Variants in SYNJ2 observed in about 807,000 individuals in gnomAD.
The protein encoded by SYNJ2 is synaptojanin 2, also known as polyphosphatidylinositol phosphatase SYNJ2.
SYNJ2 carries 116 observed loss-of-function variants against 141.3 expected under a neutral mutation model. That is an observed-to-expected ratio of 0.82 (90% CI 0.71 to 0.96). The LOEUF (loss-of-function observed/expected upper bound fraction) is 0.96, where lower values mean the gene tolerates loss of function less well. Among genes scored for constraint, SYNJ2 ranks in the 40% least tolerant of loss-of-function variants. The pLI, the probability that SYNJ2 is intolerant of heterozygous loss-of-function variation, is 0.00. For missense variants in SYNJ2, 1,873 were observed against 1,934.8 expected (o/e 0.97, Z 0.60); for synonymous variants, 745 against 777.7 (o/e 0.96, Z 0.70).
intron 3 of SYNJ2, 30 bp downstream of exon 3, chr6:158,029,056 G>A (rs1408715246): frequency 6.2e-6 from 10 of 1,609,014 alleles, no homozygotes; most frequent in Non-Finnish European, 8.5e-6. Context: ...GCAGAGGGTG[G>A]GCCCTGGGTC....
intron 1 of SYNJ2, among the ~76,000 whole-genome samples, chr6:158,007,934 T>C (rs1213257730): frequency 6.6e-6 from 1 of 151,942 alleles, no homozygotes; most frequent in African/African-American, 2.4e-5. Flanking sequence ...GACCACAGGC[T>C]CCCACCACCA....
chr6:158,001,148 A>G (rs1416656454), intron 1 of SYNJ2: 1 of 151,976 alleles, frequency 6.6e-6, no homozygotes, highest in Non-Finnish European at 1.5e-5. Flanking sequence ...CCTCCTCTGC[A>G]CCCTGCATGC....
intron 1 of SYNJ2, among the ~76,000 whole-genome samples, chr6:157,988,901 C>T (rs1442453654): frequency 5.9e-5 from 9 of 152,168 alleles, no homozygotes; most frequent in Non-Finnish European, 1.3e-4. Context: ...AGTGGGCAGG[C>T]TGGGTCCACC....
intron 4 of SYNJ2, among the ~76,000 whole-genome samples, chr6:158,034,409 A>T (rs944027486): frequency 6.6e-6 from 1 of 152,224 alleles, no homozygotes; most frequent in African/African-American, 2.4e-5. Flanking sequence ...TTACTGAGTG[A>T]AGGCGTGGCT....
At chr6:158,063,715 G>C in intron 8 of SYNJ2, 76 bp from the exon 9 acceptor site, 3 of 705,346 alleles carry the variant, frequency 4.3e-6, no homozygotes, top group African/African-American at 1.9e-5. Context: ...TCAAAAGTCA[G>C]ACATGGGCCT....
upstream of SYNJ2, among the ~76,000 whole-genome samples, chr6:157,981,734 G>C (rs1181319173): frequency 1.3e-5 from 2 of 151,796 alleles, no homozygotes; most frequent in Non-Finnish European, 2.9e-5. This position sits in a 1 kb window ranked among gnomAD's most constrained non-coding sequence, Gnocchi z 6.4. Context: ...GCTGGGGGGA[G>C]CGCGGGGCCG....
chr6:158,022,906 C>T (rs1488073689), intron 2 of SYNJ2, among the ~76,000 whole-genome samples: 6 of 152,130 alleles, frequency 3.9e-5, no homozygotes, highest in African/African-American at 1.2e-4. Flanking sequence ...CGGGAGTCAG[C>T]GACCCCCCAC....
rs1336123578 is a variant in SYNJ2, at chr6:158,092,468, C to T, written c.3566-458C>T. On this transcript the variant is annotated intron_variant, in intron 25 of 26. Coordinates refer to ENST00000355585, the MANE Select transcript of SYNJ2 (RefSeq NM_003898.4). Reference sequence around the variant, plus strand: ...CAAGTCTGGGCAACACAATGAGACCCTCTCTCTACAAAAATTTTAAAATTA... The same window carrying T: ...CAAGTCTGGGCAACACAATGAGACCTTCTCTCTACAAAAATTTTAAAATTA... Among the ~76,000 whole-genome samples the T allele has an allele frequency of 2.0e-5, 3 of 152,286 alleles. No homozygotes were observed. In the East Asian group the frequency reaches 5.8e-4, roughly 29 times the overall value.
intron 1 of SYNJ2, among the ~76,000 whole-genome samples, chr6:158,004,233 A>T (rs562425469): frequency 6.6e-6 from 1 of 152,284 alleles, no homozygotes; most frequent in African/African-American, 2.4e-5. Flanking sequence ...CTGCATTCCC[A>T]GGAGGTTAGG....
intron 1 of SYNJ2, among the ~76,000 whole-genome samples, chr6:157,994,178 C>T (rs1309061542): frequency 6.6e-6 from 1 of 152,028 alleles, no homozygotes; most frequent in Non-Finnish European, 1.5e-5. Context: ...TTGCATGAAC[C>T]CCGCTTTACC....
chr6:158,002,176 C>T (rs982347309), intron 1 of SYNJ2: 1 of 151,532 alleles, frequency 6.6e-6, no homozygotes, highest in Non-Finnish European at 1.5e-5. Flanking sequence ...TTCTCCAGAG[C>T]CTAGAACCAT....
At chr6:158,053,103 T>C (rs1340046224) in intron 5 of SYNJ2, among the ~76,000 whole-genome samples, 1 of 152,310 alleles carries the variant, frequency 6.6e-6, no homozygotes, top group Non-Finnish European at 1.5e-5. Context: ...ATTTTCCTAG[T>C]GTTTCATTAT....
At chr6:158,016,913 A>C in intron 1 of SYNJ2, 1 of 891,328 alleles carries the variant, frequency 1.1e-6, no homozygotes, top group Non-Finnish European at 1.4e-6. Context: ...GCCAGGCCCC[A>C]GGTGCCTGCC....
intron 18 of SYNJ2, 173 bp downstream of exon 18, chr6:158,078,454 C>A: frequency 2.1e-6 from 1 of 476,148 alleles, no homozygotes; most frequent in Admixed American, 3.6e-5. Flanking sequence ...TCTGTGGACC[C>A]ACCACCAAGA....
intron 20 of SYNJ2, among the ~76,000 whole-genome samples, chr6:158,082,869 A>G (rs1057121591): frequency 3.3e-5 from 5 of 152,130 alleles, no homozygotes; most frequent in Admixed American, 2.6e-4. Context: ...CAGCTCATAG[A>G]TAGTTTCCGT....
intron 15 of SYNJ2, among the ~76,000 whole-genome samples, chr6:158,072,315 A>G (rs1389366658): frequency 2.0e-5 from 3 of 152,234 alleles, no homozygotes; most frequent in Non-Finnish European, 4.4e-5. Flanking sequence ...CGAAGCTGCA[A>G]TAGCGAACCG....
rs113891195 is a variant in SYNJ2, at chr6:158,079,776, T to G, written c.2568-1333T>G. Among the ~76,000 whole-genome samples, 332 of 152,320 alleles carry G rather than the reference T, an allele frequency of 2.2e-3. 1 individual carries two copies. Among genetic ancestry groups the G allele is most frequent in the African/African-American group, 7.7e-3 (318 of 41,554 alleles). On this transcript the variant is annotated intron_variant, in intron 18 of 26. Coordinates refer to ENST00000355585, the MANE Select transcript of SYNJ2 (RefSeq NM_003898.4). ...ATCAAGGTTTGCTAGCTCAATGTAT[T>G]TTGAAACCTTAATTTAACCAATATT...
In SYNJ2 at chr6:158,066,551, T is replaced by C. The variant is rs771748832; in HGVS notation, c.1633T>C (p.Phe545Leu). The C allele has an allele frequency of 1.4e-5, 23 of 1,614,080 alleles. No homozygotes were observed. The highest frequency in any genetic ancestry group is 1.7e-6 in the Non-Finnish European group (2 of 1,180,048). The change falls in exon 12 of 27, where the codon TTC (phenylalanine) becomes CTC (leucine). Residue 545 changes from phenylalanine to leucine, a missense_variant. Coordinates refer to ENST00000355585, the MANE Select transcript of SYNJ2 (RefSeq NM_003898.4). Reference sequence around the variant, plus strand: ...CTGGAACGTGAACGGAGGAAAGCAGTTCCGGAGCAACGTGCTCAGGACGGC... The same window carrying C: ...CTGGAACGTGAACGGAGGAAAGCAGCTCCGGAGCAACGTGCTCAGGACGGC... ...GTWNVNGGKQ[F>L]RSNVLRTAEL...
chr6:158,088,003 A>C (rs1783174897), intron 23 of SYNJ2, among the ~76,000 whole-genome samples: 1 of 64,120 alleles, frequency 1.6e-5, no homozygotes, highest in Non-Finnish European at 3.3e-5. Context: ...GGCTGCAAGT[A>C]TATTTTAACA....
Sources: gnomAD v4.1 joint callset for allele counts (sites outside exome capture counted in the v4.1 genomes callset) on GRCh38, gnomAD v4.1.1 for gene constraint, Gnocchi (gnomAD v3.1) non-coding constraint, MANE v1.5 for transcripts, NCBI Gene and HGNC (gene_info 2026-07-23, HGNC 2026-07-21) for gene names.